The following RAB40C variants were observed in gnomAD, a reference collection of about 807,000 sequenced individuals.
RAB40C encodes RAB40C, member RAS oncogene family.
A neutral mutation model predicts 28.1 loss-of-function variants in RAB40C; 8 were observed. The ratio of observed to expected loss-of-function variants is 0.28; its 90% CI spans 0.17 to 0.51. RAB40C has a LOEUF of 0.51. RAB40C is among the 20% of genes least tolerant of loss of function. The pLI, the probability that RAB40C is intolerant of heterozygous loss-of-function variation, is 0.97. For synonymous variants in RAB40C, 201 were observed against 171.7 expected (o/e 1.17, Z -1.34); for missense variants, 288 against 405.9 (o/e 0.71, Z 2.50).
intron 5 of RAB40C, among the ~76,000 whole-genome samples, chr16:626,403 G>T (rs1265398588): frequency 6.6e-6 from 1 of 152,178 alleles, no homozygotes; most frequent in Non-Finnish European, 1.5e-5. Flanking sequence ...CATTGCTGGT[G>T]TGGGCAGTGT....
rs1422405551 is a variant in RAB40C at position 590,385 on chromosome 16, G to C, written c.94G>C (p.Glu32Gln). 6.3e-7 allele frequency: 1 copy of C among 1,597,204 alleles called. No individual in the cohort carries two copies. Among genetic ancestry groups the C allele is most frequent in the Non-Finnish European group, 8.5e-7 (1 of 1,173,472 alleles). Residue 32 changes from glutamate to glutamine, a missense_variant, in exon 1 of 6, where the codon GAG becomes CAG. Around this residue, in one of 3 missense-constraint regions of RAB40C, gnomAD observed 78 missense variants for 88.2 expected, o/e 0.88. Transcript: ENST00000248139. ...DSDVGKGEIL[E>Q]SLQDGAAESP... is the part of the protein sequence containing the mutation. ...CGACGTGGGCAAGGGCGAGATCCTG[G>C]AGAGCCTGCAGGACGGCGCGGCAGA... is the stretch of plus-strand genomic sequence containing the variant.
At chr16:597,094 A>G (rs11248939) in intron 1 of RAB40C, among the ~76,000 whole-genome samples, 18,664 of 152,110 alleles carry the variant, frequency 0.12, 1,653 homozygotes, top group South Asian at 0.24. Context: ...CTGCACATGT[A>G]GGTAGCAGGG....
chr16:590,253 T>A lies in RAB40C; in HGVS notation c.-39T>A, dbSNP rs1043381020. The A allele has an allele frequency of 7.2e-7, 1 of 1,394,406 alleles. No individual in the cohort carries two copies. The highest frequency in any genetic ancestry group is 1.5e-5 in the African/African-American group (1 of 65,732). The allele number at this position is 1,394,406 out of a possible 1,614,324, so 86.4% of individuals were successfully genotyped here. ...ACGCCGCGGCCTCACCCGGCGGTGCTTCGGCAGGCGGCCGGCGCGGGGCGC... is the reference window on the plus strand; with the variant it reads ...ACGCCGCGGCCTCACCCGGCGGTGCATCGGCAGGCGGCCGGCGCGGGGCGC... On this transcript the variant is annotated 5_prime_UTR_variant, in exon 1 of 6. Transcript: ENST00000248139.
At chr16:593,190 A>C (rs977415016) in intron 1 of RAB40C, among the ~76,000 whole-genome samples, 28 of 152,236 alleles carry the variant, frequency 1.8e-4, no homozygotes, top group Non-Finnish European at 3.4e-4. Context: ...GTCAGGTGGC[A>C]GCTTGCCAAC....
At chr16:623,516 T>C (rs1253630165) in intron 3 of RAB40C, among the ~76,000 whole-genome samples, 1 of 150,856 alleles carries the variant, frequency 6.6e-6, no homozygotes, top group Non-Finnish European at 1.5e-5. Context: ...TAGCCGGGCA[T>C]GGTGGCGGGC....
In RAB40C at chr16:627,675, C is replaced by T. The variant is rs2036870412; in HGVS notation, c.*53C>T. ...ATGCCAGGAGGGCTCGAGCTGGACA[C>T]TCCTGGCTGGACGCCAGGCCAGTGC... On this transcript the variant is annotated 3_prime_UTR_variant, in exon 6 of 6. Transcript: ENST00000248139. 2.6e-6 allele frequency: 4 copies of T among 1,513,620 alleles called. No individual in the cohort carries two copies. The highest frequency in any genetic ancestry group is 2.6e-5 in the South Asian group (2 of 76,010). The allele number at this position is 1,513,620 out of a possible 1,614,324, so 93.8% of individuals were successfully genotyped here. A position where few individuals can be genotyped will look rare whatever the true frequency, so the allele number is the denominator to read the frequency against.
intron 2 of RAB40C, among the ~76,000 whole-genome samples, chr16:617,627 G>C (rs1177356999): frequency 7.1e-6 from 1 of 140,824 alleles, no homozygotes; most frequent in African/African-American, 2.5e-5. Flanking sequence ...AGGATCACCT[G>C]AGGTCAGGAG....
intron 5 of RAB40C, among the ~76,000 whole-genome samples, chr16:626,612 G>T (rs2036841375): frequency 6.6e-6 from 1 of 152,200 alleles, no homozygotes; most frequent in Non-Finnish European, 1.5e-5. Flanking sequence ...TGAACAGAGA[G>T]AGGGTGGCTG....
intron 1 of RAB40C, among the ~76,000 whole-genome samples, chr16:597,004 A>AG (rs2036141253): frequency 6.6e-6 from 1 of 152,180 alleles, no homozygotes; most frequent in Admixed American, 6.5e-5. Flanking sequence ...CGGAGGGACA[A>AG]GGGCATTGGC....
chr16:617,842 CAAAAA>C (rs928724809), intron 2 of RAB40C, among the ~76,000 whole-genome samples: 7 of 148,094 alleles, frequency 4.7e-5, no homozygotes. Context: ...GACTCCGTCT[CAAAAA>C]AGAAAAAAAA....
chr16:615,465 T>A (rs1243657886), intron 1 of RAB40C, among the ~76,000 whole-genome samples: 1 of 151,968 alleles, frequency 6.6e-6, no homozygotes, highest in Non-Finnish European at 1.5e-5. Context: ...GGAGAAAGTG[T>A]CATAAAAAGA....
intron 1 of RAB40C, among the ~76,000 whole-genome samples, chr16:604,324 A>G (rs1233411350): frequency 6.6e-6 from 1 of 152,222 alleles, no homozygotes; most frequent in Non-Finnish European, 1.5e-5. Flanking sequence ...TGGCACTAGC[A>G]CTAAACTATA....
At chr16:589,714 A>G (rs989391190), upstream of RAB40C, 1 of 151,286 alleles carries the variant, frequency 6.6e-6, no homozygotes, top group African/African-American at 2.4e-5. Flanking sequence ...GATCTTGGTG[A>G]ACTTATAATC....
intron 5 of RAB40C, among the ~76,000 whole-genome samples, chr16:626,807 G>A (rs190760040): frequency 3.9e-5 from 6 of 152,290 alleles, no homozygotes; most frequent in Admixed American, 3.9e-4. Flanking sequence ...GCGTGGTGAC[G>A]CACACCTGTA....
rs2036444160 is a variant in RAB40C, at chr16:609,811, C to T, written c.143-7397C>T. Reference sequence around the variant, plus strand: ...GAGATTAAAAAACAACTGGGCAGTCCCTGCAGAGGTCACCCTGGCTGGCGC... The same window carrying T: ...GAGATTAAAAAACAACTGGGCAGTCTCTGCAGAGGTCACCCTGGCTGGCGC... On this transcript the variant is annotated intron_variant, in intron 1 of 5. Coordinates refer to ENST00000248139, the MANE Select transcript of RAB40C (RefSeq NM_021168.5). Among the ~76,000 whole-genome samples, 2 of 152,140 alleles carry T rather than the reference C, an allele frequency of 1.3e-5. 1 individual carries two copies. Among genetic ancestry groups the T allele is most frequent in the South Asian group, 4.1e-4 (2 of 4,820 alleles).
chr16:617,291 C>T (rs1463593268), intron 2 of RAB40C, 23 bp downstream of exon 2: 2 of 1,613,658 alleles, frequency 1.2e-6, no homozygotes, highest in Non-Finnish European at 1.7e-6. Flanking sequence ...TGCGGCACTT[C>T]AGTTCCTGGG....
chr16:619,388 T>G (rs1187930048), intron 3 of RAB40C, among the ~76,000 whole-genome samples: 2 of 152,078 alleles, frequency 1.3e-5, no homozygotes, highest in East Asian at 3.9e-4. Flanking sequence ...GTGTGCAGTG[T>G]GTGTGCAGGT....
intron 1 of RAB40C, among the ~76,000 whole-genome samples, chr16:614,999 G>C (rs542735342): frequency 2.8e-4 from 42 of 152,224 alleles, no homozygotes; most frequent in Non-Finnish European, 4.1e-4. Context: ...GCTCACAGCC[G>C]TGGCCCTTTT....
At chr16:590,518 T>A (rs2035968362) in intron 1 of RAB40C, 85 bp downstream of exon 1, 1 of 1,372,798 alleles carries the variant, frequency 7.3e-7, no homozygotes, top group South Asian at 1.6e-5. Context: ...GCCCGGCCCT[T>A]CCAAGCGCCG....
Sources: gnomAD v4.1 joint callset for allele counts (sites outside exome capture counted in the v4.1 genomes callset) on GRCh38, gnomAD v4.1.1 for gene constraint, gnomAD v4.1.1 regional missense constraint, MANE v1.5 for transcripts, NCBI Gene and HGNC (gene_info 2026-07-23, HGNC 2026-07-21) for gene names.